DTNB: variants seen among roughly 807,000 people sequenced by gnomAD.
DTNB encodes DTN-B.
A neutral mutation model predicts 90.7 loss-of-function variants in DTNB; 63 were observed. The ratio of observed to expected loss-of-function variants is 0.69; its 90% CI spans 0.57 to 0.86. The LOEUF (loss-of-function observed/expected upper bound fraction) is 0.86. Among genes scored for constraint, DTNB ranks in the 40% least tolerant of loss-of-function variants. The probability of loss-of-function intolerance (pLI) is 0.00; values close to 1 mark genes in which losing one functional copy is unlikely to be tolerated. For synonymous variants in DTNB, 277 were observed against 286.7 expected, an observed-to-expected ratio of 0.97 and a Z score of 0.34; for missense variants, 744 against 807.1, an observed-to-expected ratio of 0.92 and a Z score of 0.95.
At position 25,424,719 on chromosome 2, in the gene DTNB, G is replaced by C. The variant is rs1265981162; in HGVS notation, c.1554+2816C>G. Among the ~76,000 whole-genome samples, 2 of 151,460 alleles carry C rather than the reference G, an allele frequency of 1.3e-5. No homozygotes were observed. Among genetic ancestry groups the C allele is most frequent in the Non-Finnish European group, 2.9e-5 (2 of 67,892 alleles). On this transcript the variant is annotated intron_variant, in intron 15 of 20. Coordinates refer to ENST00000406818, the MANE Select transcript of DTNB (RefSeq NM_021907.5). This position sits in a 1 kb window ranked among gnomAD's most constrained non-coding sequence, Gnocchi z 4.1. ...GTCTTACTCTCTGACCCTGGCTGGA[G>C]TGCAGTGGTGTAATCTCTGCTCACT...
chr2:25,665,554 AG>A (rs1236394695), intron 1 of DTNB, among the ~76,000 whole-genome samples: 3 of 152,096 alleles, frequency 2.0e-5, no homozygotes, highest in Admixed American at 2.0e-4. Context: ...TGAACCCAGG[AG>A]GTAGAGGTTA....
At chr2:25,508,620 C>T (rs62128548) in intron 9 of DTNB, among the ~76,000 whole-genome samples, 7 of 149,752 alleles carry the variant, frequency 4.7e-5, no homozygotes, top group Non-Finnish European at 8.8e-5. Flanking sequence ...CCACAACCTC[C>T]GCCTCCCGGG....
At chr2:25,521,365 G>A (rs2076098340) in intron 9 of DTNB, among the ~76,000 whole-genome samples, 1 of 151,278 alleles carries the variant, frequency 6.6e-6, no homozygotes, top group Non-Finnish European at 1.5e-5. Flanking sequence ...AAAAATGAGT[G>A]AGTATGGCTG....
intron 10 of DTNB, among the ~76,000 whole-genome samples, chr2:25,470,971 A>C (rs1340787149): frequency 1.3e-5 from 2 of 152,378 alleles, no homozygotes; most frequent in East Asian, 1.9e-4. Context: ...CATCTGGATT[A>C]TCTCTCCTCA....
At chr2:25,633,771 G>C (rs1456778276) in intron 3 of DTNB, among the ~76,000 whole-genome samples, 1 of 151,392 alleles carries the variant, frequency 6.6e-6, no homozygotes, top group Non-Finnish European at 1.5e-5. Flanking sequence ...AGTGAGGAGC[G>C]TCTCTGCCCG....
At chr2:25,517,001 G>C (rs1030773268) in intron 9 of DTNB, among the ~76,000 whole-genome samples, 3 of 152,184 alleles carry the variant, frequency 2.0e-5, no homozygotes, top group African/African-American at 4.8e-5. Context: ...AGAAAGACAT[G>C]AATGTTCATA....
chr2:25,542,006 C>T (rs1018339051), intron 8 of DTNB, among the ~76,000 whole-genome samples: 3 of 152,162 alleles, frequency 2.0e-5, no homozygotes, highest in African/African-American at 7.2e-5. Context: ...GTAAGAGATG[C>T]TATCAGATTT....
intron 9 of DTNB, among the ~76,000 whole-genome samples, chr2:25,516,766 T>C (rs1226689561): frequency 1.3e-5 from 2 of 151,856 alleles, no homozygotes; most frequent in African/African-American, 4.8e-5. Context: ...GGTGGGCGCC[T>C]GTAATCCCAG....
intron 8 of DTNB, among the ~76,000 whole-genome samples, chr2:25,564,529 C>T (rs186198205): frequency 0.015 from 2,203 of 150,754 alleles, 65 homozygotes; most frequent in African/African-American, 0.049. Flanking sequence ...TACAGGCACG[C>T]GCCACCACAC....
chr2:25,567,977 G>A (rs938919935), intron 8 of DTNB, among the ~76,000 whole-genome samples: 24 of 152,226 alleles, frequency 1.6e-4, no homozygotes, highest in Admixed American at 1.2e-3. Flanking sequence ...TGGCCAACAT[G>A]GTGAAACCGC....
At position 25,420,512 on chromosome 2, in the gene DTNB, A is replaced by ATCTATCTG. The variant is rs1553356073; in HGVS notation, c.1555-978_1555-977insCAGATAGA. Among the ~76,000 whole-genome samples, 21 of 103,174 alleles carry ATCTATCTG rather than the reference A, an allele frequency of 2.0e-4. No homozygotes were observed. In the South Asian group the frequency reaches 2.3e-3, roughly 11 times the overall value. 67.7% of individuals were successfully genotyped at this position (103,174 alleles called of 152,430 possible). A position where few individuals can be genotyped will look rare whatever the true frequency, so the allele number is the denominator to read the frequency against. ...TATCTATCTATCTATCTATCTATCT[A>ATCTATCTG]TCTATCTATCTGTCTGTCTATCGAC... On this transcript the variant is annotated intron_variant, in intron 15 of 20. Transcript: ENST00000406818.
At chr2:25,411,644 AT>A (rs1278170192) in intron 16 of DTNB, among the ~76,000 whole-genome samples, 1 of 152,132 alleles carries the variant, frequency 6.6e-6, no homozygotes, top group African/African-American at 2.4e-5. Flanking sequence ...CATCTGTACC[AT>A]TTGCCAACTT....
rs529689566 is a variant in DTNB at position 25,424,407 on chromosome 2, G to T, written c.1554+3128C>A. ...TTAGCCCTTGAATACAAGCATCAGCGGTACACTAGAAGGCCACAGTGGCAT... is the reference window on the plus strand; with the variant it reads ...TTAGCCCTTGAATACAAGCATCAGCTGTACACTAGAAGGCCACAGTGGCAT... On this transcript the variant is annotated intron_variant, in intron 15 of 20. Transcript: ENST00000406818. This position sits in a 1 kb window ranked among gnomAD's most constrained non-coding sequence, Gnocchi z 4.1. Among the ~76,000 whole-genome samples, 1 of 152,104 alleles carries T rather than the reference G, an allele frequency of 6.6e-6. No individual in the cohort carries two copies. The highest frequency in any genetic ancestry group is 1.9e-4 in the East Asian group (1 of 5,198).
chr2:25,482,726 T>C (rs952012388), intron 10 of DTNB, 70 bp downstream of exon 10: 2 of 1,528,840 alleles, frequency 1.3e-6, no homozygotes, highest in Admixed American at 3.4e-5. Context: ...TCAGGCCTCA[T>C]TTCTGGCAGG....
chr2:25,552,529 A>C (rs2056480181), intron 8 of DTNB, among the ~76,000 whole-genome samples: 1 of 152,154 alleles, frequency 6.6e-6, no homozygotes, highest in South Asian at 2.1e-4. Flanking sequence ...ACTTCCAAGC[A>C]AGAACACTGA....
At chr2:25,410,033 A>T (rs963121336) in intron 16 of DTNB, among the ~76,000 whole-genome samples, 3 of 152,196 alleles carry the variant, frequency 2.0e-5, no homozygotes, top group African/African-American at 7.2e-5. Flanking sequence ...TCATTTCCCT[A>T]GATTCTTAGG....
chr2:25,670,644 GGGCAGAA>G (rs2085618051), intron 1 of DTNB, among the ~76,000 whole-genome samples: 1 of 152,170 alleles, frequency 6.6e-6, no homozygotes, highest in Non-Finnish European at 1.5e-5. Context: ...CCCTAAAGCT[GGGCAGAA>G]TACAATCTAC....
intron 1 of DTNB, among the ~76,000 whole-genome samples, chr2:25,667,965 C>T (rs530126564): frequency 5.3e-5 from 8 of 152,158 alleles, no homozygotes; most frequent in Non-Finnish European, 1.0e-4. Context: ...GCTGGCCGGA[C>T]GCGGTGGCTC....
Position 25,649,443 on chromosome 2 carries a change from G to A in DTNB, c.67+3151C>T, listed in dbSNP as rs890605221. Among the ~76,000 whole-genome samples the A allele has an allele frequency of 4.6e-5, 7 of 152,298 alleles. No homozygotes were observed. In the East Asian group the frequency reaches 9.6e-4, roughly 21 times the overall value. ...AATGGTATAGTTACTGGCCAGGCAC[G>A]GTAGTTCATACCTGTAATCCCAGCG... On this transcript the variant is annotated intron_variant, in intron 2 of 20. Coordinates refer to ENST00000406818, the MANE Select transcript of DTNB (RefSeq NM_021907.5).
Sources: gnomAD v4.1 joint callset for allele counts (sites outside exome capture counted in the v4.1 genomes callset) on GRCh38, gnomAD v4.1.1 for gene constraint, Gnocchi (gnomAD v3.1) non-coding constraint, MANE v1.5 for transcripts, NCBI Gene and HGNC (gene_info 2026-07-23, HGNC 2026-07-21) for gene names.